Variants in ZP2 observed in about 807,000 individuals in gnomAD.
ZP2 encodes the protein zona pellucida glycoprotein 2.
Under a neutral mutation model 84.0 loss-of-function variants are expected in ZP2, and 51 were observed. The ratio of observed to expected loss-of-function variants is 0.61; its 90% CI spans 0.49 to 0.77. ZP2 has a LOEUF of 0.77. Ranked by LOEUF, ZP2 falls within the 30% of genes least tolerant of loss-of-function variation. ZP2 has a pLI of 0.00. For synonymous variants in ZP2, 375 were observed against 330.9 expected (o/e 1.13, Z -1.45); for missense variants, 909 against 911.9 (o/e 1.00, Z 0.04).
intron 2 of ZP2, among the ~76,000 whole-genome samples, chr16:21,210,769 T>C (rs1169010384): frequency 1.3e-5 from 2 of 152,064 alleles, no homozygotes; most frequent in Non-Finnish European, 2.9e-5. Context: ...GAGATGGGGT[T>C]TCACCACATT....
rs749552084 is a variant in ZP2, at chr16:21,203,078, C to T, written c.1099+47G>A. 6 of 1,597,638 alleles carry T rather than the reference C, an allele frequency of 3.8e-6. No individual in the cohort carries two copies. In the African/African-American group the frequency reaches 8.1e-5, roughly 21 times the overall value. On this transcript the variant is annotated intron_variant, in intron 10 of 18. Transcript: ENST00000574091. The stretch of plus-strand genomic sequence containing the variant: ...ATACATTTGCCCACATGTACAAGAG[C>T]CAAGGGAGAAAAAAGGTAGAACATG...
chr16:21,200,801 T>A (rs1003221730), intron 14 of ZP2, among the ~76,000 whole-genome samples: 4 of 152,216 alleles, frequency 2.6e-5, no homozygotes, highest in Non-Finnish European at 5.9e-5. Flanking sequence ...GGTGTTCAGA[T>A]GGATAGAGGC....
chr16:21,201,579 A>G (rs2093225492), intron 13 of ZP2, 21 bp from the exon 14 acceptor site: 1 of 1,602,324 alleles, frequency 6.2e-7, no homozygotes, highest in East Asian at 2.2e-5. Context: ...ATGGTATTCA[A>G]GTAGTTAATG....
In ZP2 at chr16:21,205,353, G is replaced by A. The variant is rs2093244538; in HGVS notation, c.693+67C>T. The A allele has an allele frequency of 5.0e-5, 78 of 1,558,464 alleles. No individual in the cohort carries two copies. The South Asian group carries it at 8.3e-4, about 17-fold the overall frequency. ...TAAATTAATGTGAAGACATGGTTGA[G>A]ATCATGCTTCAATTTAGGAATACTG... On this transcript the variant is annotated intron_variant, in intron 7 of 18. Transcript: ENST00000574091.
Position 21,199,833 on chromosome 16 carries a change from G to T in ZP2, c.1740C>A (p.Val580=). 1 of 1,613,308 alleles carries T rather than the reference G, an allele frequency of 6.2e-7. No individual in the cohort carries two copies. The highest frequency in any genetic ancestry group is 1.1e-5 in the South Asian group (1 of 91,014). ...LDNYQTTFHP[V]GSSVTHPDHY... Reference sequence around the variant, plus strand: ...GATCAGGATGGGTCACAGAGGAGCCGACTGGATGGAAGGTGGTCTGGTAGT... The same window carrying T: ...GATCAGGATGGGTCACAGAGGAGCCTACTGGATGGAAGGTGGTCTGGTAGT... The change falls in exon 15 of 19, where the codon GTC becomes GTA. Residue 580 remains valine, a synonymous_variant. Transcript: ENST00000574091.
rs2093275315 is a variant in ZP2, at chr16:21,211,520, A to G, written c.28T>C (p.Trp10Arg). The change falls in exon 1 of 19, where the codon TGG (tryptophan) becomes CGG (arginine). Residue 10 changes from tryptophan (W) to arginine (R), a missense_variant. Transcript: ENST00000574091. MACRQRGGS[W>R]SPSGWFNAGW... is the part of the protein sequence containing the mutation. Reference sequence around the variant, plus strand: ...GCATTGAACCAGCCTGAGGGACTCCAAGAGCCTCCTCTCTGCCTGCACGCC... The same window carrying G: ...GCATTGAACCAGCCTGAGGGACTCCGAGAGCCTCCTCTCTGCCTGCACGCC... The G allele has an allele frequency of 1.2e-6, 2 of 1,614,180 alleles. No individual in the cohort carries two copies. The highest frequency in any genetic ancestry group is 1.7e-6 in the Non-Finnish European group (2 of 1,180,038).
At chr16:21,207,663 CA>C (rs1402893610) in intron 4 of ZP2, among the ~76,000 whole-genome samples, 75 of 150,498 alleles carry the variant, frequency 5.0e-4, no homozygotes, top group African/African-American at 1.6e-3. Context: ...CACACACACA[CA>C]CACACACACA....
At position 21,210,253 on chromosome 16, in the gene ZP2, G is replaced by T. The variant is rs1299461651; in HGVS notation, c.152-61C>A. 3 of 1,297,334 alleles carry T rather than the reference G, an allele frequency of 2.3e-6. No homozygotes were observed. In the East Asian group the frequency reaches 6.9e-5, roughly 30 times the overall value. The allele number at this position is 1,297,334 out of a possible 1,614,324, so 80.4% of individuals were successfully genotyped here. ...CATGAGTGATGCAACTCCTACAAAAGTGTATAGACTCCTCTCAGATGGGAG... is the reference window on the plus strand; with the variant it reads ...CATGAGTGATGCAACTCCTACAAAATTGTATAGACTCCTCTCAGATGGGAG... On this transcript the variant is annotated intron_variant, in intron 2 of 18. Transcript: ENST00000574091.
upstream of ZP2, among the ~76,000 whole-genome samples, chr16:21,212,128 G>A (rs111386458): frequency 6.6e-6 from 1 of 152,066 alleles, no homozygotes; most frequent in African/African-American, 2.4e-5. Flanking sequence ...GGGTTTCACC[G>A]TGTTGGTCAG....
rs779719494 is a variant in ZP2 at position 21,210,118 on chromosome 16, A to G, written c.226T>C (p.Ser76Pro). The G allele has an allele frequency of 6.2e-7, 1 of 1,613,948 alleles. No individual in the cohort carries two copies. Among genetic ancestry groups the G allele is most frequent in the Non-Finnish European group, 8.5e-7 (1 of 1,179,936 alleles). Residue 76 changes from serine (S) to proline (P), a missense_variant, in exon 3 of 19, where the codon TCT (serine) becomes CCT (proline). Coordinates refer to ENST00000574091, the MANE Select transcript of ZP2 (RefSeq NM_001376232.1). The part of the protein sequence containing the change: ...SSPGTKKWHA[S>P]VVDPLGLDMP... ...AACACACGTTACCTACCCACCACAG[A>G]TGCATGCCATTTCTTGGTGCCAGGA...
intron 4 of ZP2, among the ~76,000 whole-genome samples, chr16:21,207,250 C>T (rs1475114173): frequency 1.3e-5 from 2 of 152,030 alleles, no homozygotes; most frequent in Non-Finnish European, 2.9e-5. Flanking sequence ...GTCTCAGTAC[C>T]ATGGTCCTGG....
At chr16:21,210,243 T>A (rs1249001806) in intron 2 of ZP2, 51 bp from the exon 3 acceptor site, 2 of 1,446,374 alleles carry the variant, frequency 1.4e-6, no homozygotes, top group Non-Finnish European at 1.9e-6. Context: ...GTGATGCAAC[T>A]CCTACAAAAG....
chr16:21,201,798 T>C lies in ZP2; in HGVS notation c.1412A>G (p.Asp471Gly), dbSNP rs749840404. ...TTCAACGTTGATGTTTAGTAGCATG[T>C]CATTCCTGCTATAAGAACACTTCAC... The part of the protein sequence containing the change: ...MTVKCSYSRN[D>G]MLLNINVESL... Residue 471 changes from aspartate (D) to glycine (G), a missense_variant, in exon 13 of 19, where the codon GAC (aspartate) becomes GGC (glycine). Physicochemically the swap from Asp to Gly is moderately conservative, Grantham distance 94. Coordinates refer to ENST00000574091, the MANE Select transcript of ZP2 (RefSeq NM_001376232.1). The C allele has an allele frequency of 1.2e-6, 2 of 1,614,158 alleles. No individual in the cohort carries two copies. Among genetic ancestry groups the C allele is most frequent in the Admixed American group, 1.7e-5 (1 of 60,020 alleles).
rs1200680426 is a variant in ZP2, at chr16:21,203,025, T to C, written c.1099+100A>G. On this transcript the variant is annotated intron_variant, in intron 10 of 18. Transcript: ENST00000574091. ...ACTAGTCTTTAGTTTCTTCAGTCTA[T>C]AAGCAATAGATCAGAATCTGACCTT... 7.1e-6 allele frequency: 10 copies of C among 1,416,564 alleles called. No homozygotes were observed. In the East Asian group the frequency reaches 2.4e-4, roughly 34 times the overall value. The allele number at this position is 1,416,564 out of a possible 1,614,324, so 87.7% of individuals were successfully genotyped here. A position where few individuals can be genotyped will look rare whatever the true frequency, so the allele number is the denominator to read the frequency against.
At position 21,205,765 on chromosome 16, in the gene ZP2, G is replaced by A; in HGVS notation, c.494C>T (p.Pro165Leu). 3 of 1,613,966 alleles carry A rather than the reference G, an allele frequency of 1.9e-6. No individual in the cohort carries two copies. The highest frequency in any genetic ancestry group is 2.5e-6 in the Non-Finnish European group (3 of 1,179,962). Reference sequence around the variant, plus strand: ...GTCAGCCAAGCCAGAGAAGACCCGTGGCAAGGAAAACTGGAAGAAAAGAAT... The same window carrying A: ...GTCAGCCAAGCCAGAGAAGACCCGTAGCAAGGAAAACTGGAAGAAAAGAAT... ...CQKDFMSFSL[P>L]RVFSGLADDS... Residue 165 changes from proline to leucine, a missense_variant, in exon 6 of 19, where the codon CCA becomes CTA. Physicochemically the swap from Pro to Leu is moderately conservative, Grantham distance 98 (BLOSUM62 -3). Transcript: ENST00000574091.
intron 14 of ZP2, 145 bp downstream of exon 14, chr16:21,201,224 G>T: frequency 1.5e-6 from 1 of 656,682 alleles, no homozygotes; most frequent in Non-Finnish European, 2.3e-6. Context: ...AAAACAGAAG[G>T]CAGAAGAGTC....
chr16:21,214,204 G>A (rs1023904188), upstream of ZP2: 117 of 982,330 alleles, frequency 1.2e-4, no homozygotes, highest in Non-Finnish European at 1.4e-4. Context: ...ATGTGCACCA[G>A]AGATTAATTT....
chr16:21,199,740 T>C lies in ZP2; in HGVS notation c.1830+3A>G, dbSNP rs1334648968. The C allele has an allele frequency of 5.6e-6, 9 of 1,613,846 alleles. No homozygotes were observed. Among genetic ancestry groups the C allele is most frequent in the Non-Finnish European group, 6.8e-6 (8 of 1,179,910 alleles). On this transcript the variant is annotated splice_donor_region_variant and intron_variant, in intron 15 of 18. Transcript: ENST00000574091. The stretch of plus-strand genomic sequence containing the variant: ...TGTCCCTGGTGACTTCTGAATCACT[T>C]ACCAGGCTAGAGAGCACGTGGGCTT...
At chr16:21,206,706 CTCA>C (rs2093251329) in intron 5 of ZP2, 129 bp downstream of exon 5, 1 of 1,209,422 alleles carries the variant, frequency 8.3e-7, no homozygotes, top group Admixed American at 2.0e-5. Context: ...AAAGTTAAAC[CTCA>C]TCACACAGAA....
Sources: gnomAD v4.1 joint callset for allele counts (sites outside exome capture counted in the v4.1 genomes callset) on GRCh38, gnomAD v4.1.1 for gene constraint, MANE v1.5 for transcripts, NCBI Gene and HGNC (gene_info 2026-07-23, HGNC 2026-07-21) for gene names.